Variants in SHROOM3 observed in about 807,000 individuals in gnomAD.
The protein encoded by SHROOM3 is protein Shroom3.
A neutral mutation model predicts 138.6 loss-of-function variants in SHROOM3; 47 were observed. The ratio of observed to expected loss-of-function variants is 0.34; its 90% CI spans 0.27 to 0.43. SHROOM3 has a LOEUF of 0.43. SHROOM3 is among the 20% of genes least tolerant of loss of function. SHROOM3 has a pLI of 1.00. For synonymous variants in SHROOM3, 1,062 were observed against 1,063.3 expected (o/e 1.00, Z 0.02); for missense variants, 2,491 against 2,596.5 (o/e 0.96, Z 0.88).
At chr4:76,508,765 A>G (rs1161282148) in intron 1 of SHROOM3, among the ~76,000 whole-genome samples, 1 of 152,180 alleles carries the variant, frequency 6.6e-6, no homozygotes, top group East Asian at 1.9e-4. Context: ...GTGTCATGGT[A>G]CATTTTTGCT....
At chr4:76,640,774 C>G (rs2110080691) in intron 2 of SHROOM3, among the ~76,000 whole-genome samples, 1 of 152,262 alleles carries the variant, frequency 6.6e-6, no homozygotes, top group Middle Eastern at 3.4e-3. Context: ...AAACTGGGAG[C>G]CAGCACCCCA....
intron 2 of SHROOM3, chr4:76,689,475 C>A: frequency 2.1e-6 from 2 of 960,070 alleles, no homozygotes; most frequent in Non-Finnish European, 1.2e-6. Flanking sequence ...GCGCGCCGCG[C>A]GGGATCAGCG....
At chr4:76,556,195 T>G (rs1733480851) in intron 2 of SHROOM3, among the ~76,000 whole-genome samples, 1 of 152,214 alleles carries the variant, frequency 6.6e-6, no homozygotes, top group Admixed American at 6.5e-5. Context: ...GCAAATTCTC[T>G]CATTGGTTGT....
chr4:76,483,527 G>C (rs957705450), intron 1 of SHROOM3, among the ~76,000 whole-genome samples: 26 of 152,296 alleles, frequency 1.7e-4, no homozygotes, highest in African/African-American at 6.0e-4. Context: ...GGAGAAATAG[G>C]AACATTTTTA....
intron 2 of SHROOM3, among the ~76,000 whole-genome samples, chr4:76,693,379 T>TTTTTG (rs1178322809): frequency 5.9e-5 from 6 of 102,104 alleles, no homozygotes; most frequent in African/African-American, 1.3e-4. Flanking sequence ...TGTTTTTTTT[T>TTTTTG]TTTTTTTTTT....
chr4:76,483,094 G>A (rs1731651739), intron 1 of SHROOM3, among the ~76,000 whole-genome samples: 2 of 152,074 alleles, frequency 1.3e-5, no homozygotes, highest in African/African-American at 4.8e-5. Flanking sequence ...GCATGGGCAA[G>A]GACTTCATGA....
At chr4:76,537,156 A>AGT (rs1397219598) in intron 1 of SHROOM3, among the ~76,000 whole-genome samples, 1 of 152,122 alleles carries the variant, frequency 6.6e-6, no homozygotes, top group Non-Finnish European at 1.5e-5. Context: ...GAGAAAAGGA[A>AGT]GTGAGCCATG....
intron 3 of SHROOM3, among the ~76,000 whole-genome samples, chr4:76,724,641 C>G (rs1720647098): frequency 6.6e-6 from 1 of 152,156 alleles, no homozygotes; most frequent in Admixed American, 6.5e-5. Context: ...CAAAACTACT[C>G]TTTACGTTAA....
intron 3 of SHROOM3, among the ~76,000 whole-genome samples, chr4:76,712,538 T>TTA (rs1395243520): frequency 6.6e-6 from 1 of 152,186 alleles, no homozygotes; most frequent in Admixed American, 6.5e-5. Flanking sequence ...TAAATCATAT[T>TTA]TATAACAAGC....
chr4:76,739,797 G>A lies in SHROOM3; in HGVS notation c.1624G>A (p.Val542Met). ...CTTAGAACATGACTTGCTGTCCCCA[G>A]TGGAGAAGAAACCAGAAGCTACAGC... ...QPLEHDLLSP[V>M]EKKPEATAKY... The change falls in exon 5 of 11, where the codon GTG becomes ATG. Residue 542 changes from valine (V) to methionine (M), a missense_variant. By Grantham distance (21) the Val-to-Met change is conservative. This residue lies in a region of SHROOM3 where 1,733 missense variants were observed against 1,661.6 expected (regional missense o/e 1.04). Transcript: ENST00000296043. 1 of 1,614,208 alleles carries A rather than the reference G, an allele frequency of 6.2e-7. No individual in the cohort carries two copies.
chr4:76,764,779 C>T (rs1250633086), intron 9 of SHROOM3, among the ~76,000 whole-genome samples: 1 of 152,150 alleles, frequency 6.6e-6, no homozygotes, highest in Non-Finnish European at 1.5e-5. Flanking sequence ...TCTCTTTCGT[C>T]TTTAGCATTT....
chr4:76,766,060 T>C (rs896866859), intron 9 of SHROOM3, among the ~76,000 whole-genome samples: 1 of 152,230 alleles, frequency 6.6e-6, no homozygotes, highest in Non-Finnish European at 1.5e-5. Flanking sequence ...CCAGATGATC[T>C]GCGTTTAAGC....
chr4:76,741,337 C>G lies in SHROOM3; in HGVS notation c.3164C>G (p.Ala1055Gly). Residue 1055 changes from alanine to glycine, a missense_variant, in exon 5 of 11, where the codon GCC (alanine) becomes GGC (glycine). By Grantham distance (60) the Ala-to-Gly change is moderately conservative (BLOSUM62 0). Transcript: ENST00000296043. This position sits in a 1 kb window ranked among gnomAD's most constrained non-coding sequence, Gnocchi z 6.2. ...NGMRFPESSV[A>G]DRRRLFERDG... ...ATGCGTTTCCCGGAGAGCAGCGTGG[C>G]CGACCGGCGCCGTCTCTTCGAGCGC... 1 of 1,610,508 alleles carries G rather than the reference C, an allele frequency of 6.2e-7. No individual in the cohort carries two copies. Among genetic ancestry groups the G allele is most frequent in the Non-Finnish European group, 8.5e-7 (1 of 1,179,038 alleles).
intron 2 of SHROOM3, among the ~76,000 whole-genome samples, chr4:76,618,215 G>A (rs1325194639): frequency 6.6e-6 from 1 of 152,184 alleles, no homozygotes; most frequent in African/African-American, 2.4e-5. Context: ...TGAGGTGGAA[G>A]GATCACTTGA....
At chr4:76,491,667 T>C (rs1041932545) in intron 1 of SHROOM3, among the ~76,000 whole-genome samples, 9 of 152,178 alleles carry the variant, frequency 5.9e-5, no homozygotes, top group Non-Finnish European at 8.8e-5. Context: ...GGAAGCTGAC[T>C]CAGAGCCCTG....
chr4:76,759,720 G>A lies in SHROOM3; in HGVS notation c.5349+25G>A, dbSNP rs776668177. ...GGTAAATAAAGAATGGGATGCCCTT[G>A]TTCAGCTTTCCTCAGAAAAATTGAC... On this transcript the variant is annotated intron_variant, in intron 9 of 10. Transcript: ENST00000296043. 2.5e-6 allele frequency: 4 copies of A among 1,608,106 alleles called. No individual in the cohort carries two copies. In the East Asian group the frequency reaches 9.0e-5, roughly 36 times the overall value.
intron 2 of SHROOM3, among the ~76,000 whole-genome samples, chr4:76,676,124 G>C (rs928379870): frequency 2.0e-4 from 26 of 128,174 alleles, no homozygotes; most frequent in African/African-American, 7.6e-4. Flanking sequence ...GGGAATACAG[G>C]GCATACGCAT....
chr4:76,726,968 G>A (rs1577998933), intron 3 of SHROOM3, among the ~76,000 whole-genome samples: 2 of 152,164 alleles, frequency 1.3e-5, no homozygotes, highest in Admixed American at 6.5e-5. Flanking sequence ...CCACTGAAGA[G>A]CCGTCCTTAG....
In SHROOM3 at chr4:76,740,912, G is replaced by A. The variant is rs2110134554; in HGVS notation, c.2739G>A (p.Ser913=). The A allele has an allele frequency of 6.7e-7, 1 of 1,500,984 alleles. No homozygotes were observed. The highest frequency in any genetic ancestry group is 1.4e-5 in the South Asian group (1 of 73,034). 93.0% of individuals were successfully genotyped at this position (1,500,984 alleles called of 1,614,324 possible). The change falls in exon 5 of 11, where the codon TCG becomes TCA. Residue 913 remains serine (S), a synonymous_variant. Coordinates refer to ENST00000296043, the MANE Select transcript of SHROOM3 (RefSeq NM_020859.4). The surrounding 1 kb of genome is among the most constrained non-coding windows in gnomAD (Gnocchi z 4.0). ...GGGACAGGCCCGGCTCGCCCGAATC[G>A]CCCCTGCTGGATGCCCCCTTCAGCC... The part of the protein sequence containing the change: ...EWRDRPGSPE[S]PLLDAPFSRA...
Sources: allele counts gnomAD v4.1 joint callset (sites outside exome capture counted in the v4.1 genomes callset), GRCh38; gene constraint gnomAD v4.1.1; regional missense constraint gnomAD v4.1.1; non-coding constraint Gnocchi (gnomAD v3.1); transcripts MANE v1.5; gene names NCBI Gene and HGNC (gene_info 2026-07-23, HGNC 2026-07-21).